Variants in AGAP1 observed in about 807,000 individuals in gnomAD.
AGAP1 encodes the protein ArfGAP with GTPase domain, ankyrin repeat and PH domain 1.
AGAP1 carries 29 observed loss-of-function variants against 105.3 expected under a neutral mutation model. The observed-to-expected ratio is 0.28, with a 90% CI of 0.21 to 0.38. The LOEUF (loss-of-function observed/expected upper bound fraction) is 0.38. Among genes scored for constraint, AGAP1 ranks in the 10% least tolerant of loss-of-function variants. The pLI is 1.00. For synonymous variants in AGAP1, 509 were observed against 485.9 expected, an observed-to-expected ratio of 1.05 and a Z score of -0.63; for missense variants, 998 against 1,165.1, an observed-to-expected ratio of 0.86 and a Z score of 2.09.
chr2:235,860,068 A>C (rs544250722), intron 9 of AGAP1, among the ~76,000 whole-genome samples: 2 of 152,220 alleles, frequency 1.3e-5, no homozygotes, highest in Admixed American at 6.5e-5. Flanking sequence ...CTAAACCTTC[A>C]TCTCAGTTTG....
intron 1 of AGAP1, among the ~76,000 whole-genome samples, chr2:235,533,650 T>C (rs574480133): frequency 1.3e-5 from 2 of 152,368 alleles, no homozygotes; most frequent in South Asian, 4.1e-4. Flanking sequence ...GTCTTTGTTC[T>C]TTCATGTTTT....
At chr2:235,797,726 A>T (rs780614123) in intron 6 of AGAP1, 33 bp from the exon 7 acceptor site, 1 of 1,613,858 alleles carries the variant, frequency 6.2e-7, no homozygotes, top group Non-Finnish European at 8.5e-7. Context: ...AAATTGATTG[A>T]CATGGATTTC....
At position 235,931,926 on chromosome 2, in the gene AGAP1, G is replaced by A. The variant is rs1172078299; in HGVS notation, c.1483+1003G>A. On this transcript the variant is annotated intron_variant, in intron 12 of 17. Transcript: ENST00000304032. The surrounding 1 kb of genome is among the most constrained non-coding windows in gnomAD (Gnocchi z 5.6). ...GGAGCAGACACACACAGCGTCACGCGGCTGCCCCGGCTGGCCCATTCCCAT... is the reference window on the plus strand; with the variant it reads ...GGAGCAGACACACACAGCGTCACGCAGCTGCCCCGGCTGGCCCATTCCCAT... Among the ~76,000 whole-genome samples the A allele has an allele frequency of 1.3e-5, 2 of 152,072 alleles. No homozygotes were observed. Among genetic ancestry groups the A allele is most frequent in the Non-Finnish European group, 2.9e-5 (2 of 68,022 alleles).
At chr2:235,679,473 T>G (rs1161536381) in intron 1 of AGAP1, among the ~76,000 whole-genome samples, 1 of 152,238 alleles carries the variant, frequency 6.6e-6, no homozygotes, top group African/African-American at 2.4e-5. Context: ...ATCTTCAATT[T>G]AACTACTTCC....
At chr2:235,856,199 A>G (rs1224067392) in intron 9 of AGAP1, among the ~76,000 whole-genome samples, 3 of 152,166 alleles carry the variant, frequency 2.0e-5, no homozygotes, top group African/African-American at 7.2e-5. Context: ...GGCGTGAGCC[A>G]CCGCACCCGG....
chr2:235,956,904 C>T (rs944347213), intron 12 of AGAP1, among the ~76,000 whole-genome samples: 1 of 152,252 alleles, frequency 6.6e-6, no homozygotes, highest in Non-Finnish European at 1.5e-5. Context: ...GACCCTCTCC[C>T]CCGTCTCACT....
chr2:236,117,265 G>A lies in AGAP1; in HGVS notation c.2115-2927G>A, dbSNP rs571321493. Among the ~76,000 whole-genome samples, 8 of 152,278 alleles carry A rather than the reference G, an allele frequency of 5.3e-5. No homozygotes were observed. In the South Asian group the frequency reaches 6.2e-4, roughly 12 times the overall value. On this transcript the variant is annotated intron_variant, in intron 16 of 17. Coordinates refer to ENST00000304032, the MANE Select transcript of AGAP1 (RefSeq NM_001037131.3). ...CACCACATCCACGCCAACATCTACC[G>A]TTTTTAGATTTTTTGATTATGGCCA...
At position 236,121,804 on chromosome 2, in the gene AGAP1, A is replaced by G. The variant is rs6707318; in HGVS notation, c.2370+1357A>G. On this transcript the variant is annotated intron_variant, in intron 17 of 17. Coordinates refer to ENST00000304032, the MANE Select transcript of AGAP1 (RefSeq NM_001037131.3). This position sits in a 1 kb window ranked among gnomAD's most constrained non-coding sequence, Gnocchi z 4.9. The stretch of plus-strand genomic sequence containing the variant: ...CAACAACAGACATTTATTTTTTCAC[A>G]GTTCTGGAGGCTGGAAGTACAAGAT... Among the ~76,000 whole-genome samples the G allele has an allele frequency of 4.8e-4, 73 of 152,246 alleles. No individual in the cohort carries two copies. Among genetic ancestry groups the G allele is most frequent in the African/African-American group, 1.6e-3 (68 of 41,544 alleles).
intron 13 of AGAP1, among the ~76,000 whole-genome samples, chr2:235,984,935 C>A (rs2055248733): frequency 6.6e-6 from 1 of 152,098 alleles, no homozygotes; most frequent in East Asian, 1.9e-4. Flanking sequence ...GTTTTTATAG[C>A]AGAATGATTT....
At chr2:235,629,671 C>T (rs573331320) in intron 1 of AGAP1, among the ~76,000 whole-genome samples, 1 of 151,262 alleles carries the variant, frequency 6.6e-6, no homozygotes, top group South Asian at 2.1e-4. Flanking sequence ...GAGTTTAAGA[C>T]CAGCCCTGGC....
At chr2:236,052,086 T>G (rs72973040) in intron 16 of AGAP1, among the ~76,000 whole-genome samples, 4,626 of 152,248 alleles carry the variant, frequency 0.03, 92 homozygotes, top group South Asian at 0.05. Flanking sequence ...CGATTGTTAG[T>G]AGAAACAGCT....
rs1160093528 is a variant in AGAP1, at chr2:235,599,250, G to A, written c.163+104401G>A. On this transcript the variant is annotated intron_variant, in intron 1 of 17. Coordinates refer to ENST00000304032, the MANE Select transcript of AGAP1 (RefSeq NM_001037131.3). The surrounding 1 kb of genome is among the most constrained non-coding windows in gnomAD (Gnocchi z 5.3). ...AGAACCCACACAGCTGTTCATTTCG[G>A]TGGCCGAGGGCCTGTGGGCTGCAGT... is the stretch of plus-strand genomic sequence containing the variant. Among the ~76,000 whole-genome samples, 1 of 152,154 alleles carries A rather than the reference G, an allele frequency of 6.6e-6. No homozygotes were observed. The highest frequency in any genetic ancestry group is 2.4e-5 in the African/African-American group (1 of 41,442).
intron 1 of AGAP1, among the ~76,000 whole-genome samples, chr2:235,653,389 G>A (rs993380634): frequency 7.2e-5 from 11 of 152,126 alleles, no homozygotes; most frequent in African/African-American, 1.7e-4. Flanking sequence ...GCATGAAACC[G>A]GGAGGCAGAG....
intron 1 of AGAP1, chr2:235,671,107 C>T: frequency 1.8e-5 from 23 of 1,245,776 alleles, no homozygotes; most frequent in South Asian, 3.4e-5. Context: ...GTGGTGGGGA[C>T]TTGCCGGTTC....
Position 235,819,904 on chromosome 2 carries a change from C to CTTTTT in AGAP1, c.1050+12585_1050+12589dup, listed in dbSNP as rs1179307250. ...TGGCTTTTTTTTTTCTTCTTTCTTT[C>CTTTTT]TTTTTTTTTTTTTTTTGAGACGGAG... On this transcript the variant is annotated intron_variant, in intron 9 of 17. Transcript: ENST00000304032. Among the ~76,000 whole-genome samples, 4 of 130,270 alleles carry CTTTTT rather than the reference C, an allele frequency of 3.1e-5. 1 individual carries two copies. Among genetic ancestry groups the CTTTTT allele is most frequent in the Non-Finnish European group, 3.2e-5 (2 of 61,678 alleles). 85.5% of individuals were successfully genotyped at this position (130,270 alleles called of 152,430 possible). A position where few individuals can be genotyped will look rare whatever the true frequency, so the allele number is the denominator to read the frequency against.
Position 235,566,700 on chromosome 2 carries a change from G to A in AGAP1, c.163+71851G>A, listed in dbSNP as rs1297197835. 1 of 718,272 alleles carries A rather than the reference G, an allele frequency of 1.4e-6. No individual in the cohort carries two copies. The highest frequency in any genetic ancestry group is 1.7e-6 in the Non-Finnish European group (1 of 586,262). The allele number at this position is 718,272 out of a possible 1,614,324, so 44.5% of individuals were successfully genotyped here. A position where few individuals can be genotyped will look rare whatever the true frequency, so the allele number is the denominator to read the frequency against. ...AGAGGCTGTTCGAGGAACACAGGAT[G>A]CATATTCAGGCAGGAAGTTGTTGGG... On this transcript the variant is annotated intron_variant, in intron 1 of 17. Coordinates refer to ENST00000304032, the MANE Select transcript of AGAP1 (RefSeq NM_001037131.3). This position sits in a 1 kb window ranked among gnomAD's most constrained non-coding sequence, Gnocchi z 5.2.
intron 7 of AGAP1, among the ~76,000 whole-genome samples, chr2:235,798,870 CAAAAAAA>C (rs1041317180): frequency 0.038 from 1,854 of 49,056 alleles, 38 homozygotes; most frequent in African/African-American, 0.11. Context: ...GACCCTGTCT[CAAAAAAA>C]AAAAAAAAAA....
chr2:235,642,874 G>A lies in AGAP1; in HGVS notation c.164-66305G>A, dbSNP rs528835378. Among the ~76,000 whole-genome samples, 4 of 152,294 alleles carry A rather than the reference G, an allele frequency of 2.6e-5. No homozygotes were observed. The East Asian group carries it at 5.8e-4, about 22-fold the overall frequency. ...GTTGCTGAGTCTTGGCAGATTTCTC[G>A]TGGCCTAGACTGTGGTGTTTGGGGC... On this transcript the variant is annotated intron_variant, in intron 1 of 17. Transcript: ENST00000304032. The surrounding 1 kb of genome is among the most constrained non-coding windows in gnomAD (Gnocchi z 4.1).
intron 1 of AGAP1, among the ~76,000 whole-genome samples, chr2:235,618,400 A>G (rs1014023701): frequency 2.0e-5 from 3 of 152,078 alleles, no homozygotes; most frequent in Non-Finnish European, 4.4e-5. Flanking sequence ...CACCTGGTCT[A>G]TCTTGCAAGT....
Sources: allele counts gnomAD v4.1 joint callset (sites outside exome capture counted in the v4.1 genomes callset), GRCh38; gene constraint gnomAD v4.1.1; non-coding constraint Gnocchi (gnomAD v3.1); transcripts MANE v1.5; gene names NCBI Gene and HGNC (gene_info 2026-07-23, HGNC 2026-07-21).